The following MGA variants were observed in gnomAD, a reference collection of about 807,000 sequenced individuals.
MGA encodes MAX dimerization protein MGA.
Under a neutral mutation model 261.1 loss-of-function variants are expected in MGA, and 40 were observed. The ratio of observed to expected loss-of-function variants is 0.15; its 90% CI spans 0.12 to 0.20. The LOEUF is 0.20. Ranked by LOEUF, MGA falls within the 10% of genes least tolerant of loss-of-function variation. The pLI is 1.00. For missense variants in MGA, 3,397 were observed against 3,630.5 expected, an observed-to-expected ratio of 0.94 and a Z score of 1.65; for synonymous variants, 1,302 against 1,290.6, an observed-to-expected ratio of 1.01 and a Z score of -0.19.
chr15:41,764,329 C>G lies in MGA; in HGVS notation c.7745-557C>G, dbSNP rs866468193. ...AGTGCGGTGGCGCAATCTAGGCTCA[C>G]TGCCAGCTCCGCCTCCCAGGTTCAC... On this transcript the variant is annotated intron_variant, in intron 22 of 23. Coordinates refer to ENST00000219905, the MANE Select transcript of MGA (RefSeq NM_001164273.2). Among the ~76,000 whole-genome samples, 3 of 148,030 alleles carry G rather than the reference C, an allele frequency of 2.0e-5. No individual in the cohort carries two copies. The East Asian group carries it at 6.1e-4, about 30-fold the overall frequency.
At chr15:41,725,466 T>C (rs2151656461) in intron 9 of MGA, among the ~76,000 whole-genome samples, 1 of 152,232 alleles carries the variant, frequency 6.6e-6, no homozygotes, top group Non-Finnish European at 1.5e-5. Context: ...AAGATCACTT[T>C]AGCCAGGAGG....
chr15:41,651,345 G>A (rs1353099928), intron 1 of MGA, among the ~76,000 whole-genome samples: 1 of 152,108 alleles, frequency 6.6e-6, no homozygotes, highest in Non-Finnish European at 1.5e-5. Flanking sequence ...TTGATCTTCA[G>A]TGTTTTACTC....
chr15:41,656,344 T>TCC (rs149903830), upstream of MGA, among the ~76,000 whole-genome samples: 1 of 59,988 alleles, frequency 1.7e-5, no homozygotes, highest in Admixed American at 2.4e-4. Context: ...CTCTCCTCTC[T>TCC]TCTCTCTCTC....
intron 15 of MGA, among the ~76,000 whole-genome samples, chr15:41,744,177 T>C (rs1007609062): frequency 2.7e-5 from 4 of 149,816 alleles, no homozygotes; most frequent in Admixed American, 2.7e-4. Flanking sequence ...AAAGTGAATC[T>C]ATATATATAT....
rs1437266590 is a variant in MGA, at chr15:41,766,747, G to T, written c.8665G>T (p.Asp2889Tyr). 1 of 1,613,958 alleles carries T rather than the reference G, an allele frequency of 6.2e-7. No homozygotes were observed. Among genetic ancestry groups the T allele is most frequent in the Non-Finnish European group, 8.5e-7 (1 of 1,179,894 alleles). Residue 2889 changes from aspartate to tyrosine, a missense_variant, in exon 24 of 24, where the codon GAT becomes TAT. This residue lies in a region of MGA where 647 missense variants were observed against 642.4 expected (regional missense o/e 1.01). Coordinates refer to ENST00000219905, the MANE Select transcript of MGA (RefSeq NM_001164273.2). ...GGGAACTGGTTTGAAAGAGTTGCCT[G>T]ATGTTCAAGGGGAGAGTGACTCTAT... is the stretch of plus-strand genomic sequence containing the variant.
rs150623262 is a variant in MGA, at chr15:41,691,481, A to G, written c.1065-4594A>G. 7.3e-4 allele frequency: 210 copies of G among 287,044 alleles called. 2 individuals are homozygous for G. Among genetic ancestry groups the G allele is most frequent in the Admixed American group, 6.6e-3 (183 of 27,834 alleles). 17.8% of individuals were successfully genotyped at this position (287,044 alleles called of 1,614,324 possible). A position where few individuals can be genotyped will look rare whatever the true frequency, so the allele number is the denominator to read the frequency against. On this transcript the variant is annotated intron_variant, in intron 2 of 23. Transcript: ENST00000219905. Reference sequence around the variant, plus strand: ...TACAAGATCATTTACCTGTGAATAGAGATAGTTTTGCTTTTTCCTCTACAA... The same window carrying G: ...TACAAGATCATTTACCTGTGAATAGGGATAGTTTTGCTTTTTCCTCTACAA...
At chr15:41,623,768 T>C (rs1441569978) in intron 1 of MGA, among the ~76,000 whole-genome samples, 3 of 74,292 alleles carry the variant, frequency 4.0e-5, no homozygotes, top group East Asian at 4.1e-4. Flanking sequence ...TTTATATATA[T>C]ATATATATTT....
chr15:41,734,662 G>A, intron 12 of MGA, 68 bp downstream of exon 12: 1 of 1,190,074 alleles, frequency 8.4e-7, no homozygotes, highest in Non-Finnish European at 1.2e-6. Flanking sequence ...GTAATAATGG[G>A]AGAAAACCCA....
intron 1 of MGA, among the ~76,000 whole-genome samples, chr15:41,646,050 G>T (rs1033020316): frequency 6.6e-6 from 1 of 152,114 alleles, no homozygotes; most frequent in Non-Finnish European, 1.5e-5. Flanking sequence ...AAAAATTTCA[G>T]CTCACCCTGA....
chr15:41,656,852 C>T (rs1234806426), upstream of MGA, among the ~76,000 whole-genome samples: 1 of 152,184 alleles, frequency 6.6e-6, no homozygotes, highest in Admixed American at 6.5e-5. Flanking sequence ...TCACAGCTCA[C>T]TGTAGCCTCG....
At chr15:41,734,290 T>C (rs2061661585) in intron 11 of MGA, among the ~76,000 whole-genome samples, 1 of 152,154 alleles carries the variant, frequency 6.6e-6, no homozygotes, top group Non-Finnish European at 1.5e-5. Flanking sequence ...CAATGTGAAT[T>C]TTTTTCTTGA....
In MGA at chr15:41,742,638, C is replaced by G. The variant is rs1357800938; in HGVS notation, c.4678C>G (p.Gln1560Glu). ...GAAGATACCTGGAGTTAGCACACCCCAAACCCTGGCAGGGACACAGAAGTT... is the reference window on the plus strand; with the variant it reads ...GAAGATACCTGGAGTTAGCACACCCGAAACCCTGGCAGGGACACAGAAGTT... Residue 1560 changes from glutamine (Q) to glutamate (E), a missense_variant, in exon 15 of 24, where the codon CAA (glutamine) becomes GAA (glutamate). Gln to Glu is a conservative substitution (Grantham distance 29). Transcript: ENST00000219905. 2 of 1,613,934 alleles carry G rather than the reference C, an allele frequency of 1.2e-6. No homozygotes were observed. The highest frequency in any genetic ancestry group is 3.3e-5 in the Admixed American group (2 of 60,020).
intron 1 of MGA, among the ~76,000 whole-genome samples, chr15:41,649,265 C>G (rs956984275): frequency 5.9e-5 from 9 of 151,710 alleles, no homozygotes; most frequent in African/African-American, 2.2e-4. Flanking sequence ...ACCTGTAATC[C>G]CAGCTATTCG....
intron 1 of MGA, among the ~76,000 whole-genome samples, chr15:41,649,970 C>T (rs926256522): frequency 6.6e-6 from 1 of 152,048 alleles, no homozygotes; most frequent in Non-Finnish European, 1.5e-5. Context: ...CGTGAGCCAC[C>T]GCGCCCAGCC....
chr15:41,737,530 T>C (rs560255191), intron 13 of MGA, among the ~76,000 whole-genome samples: 12 of 152,200 alleles, frequency 7.9e-5, no homozygotes, highest in Admixed American at 2.0e-4. Context: ...TTATATTTTT[T>C]CTTTATTTGA....
intron 11 of MGA, among the ~76,000 whole-genome samples, chr15:41,730,713 C>T (rs1488285000): frequency 1.3e-5 from 2 of 152,316 alleles, no homozygotes; most frequent in Middle Eastern, 3.4e-3. Context: ...TCTTCCCATT[C>T]TAAAACACTT....
At chr15:41,635,445 C>T (rs893771764) in intron 1 of MGA, among the ~76,000 whole-genome samples, 4 of 152,248 alleles carry the variant, frequency 2.6e-5, no homozygotes, top group African/African-American at 7.2e-5. Context: ...CGCGGTGGCT[C>T]ACGCCAGTAA....
chr15:41,689,747 G>A (rs1326366395), intron 2 of MGA, among the ~76,000 whole-genome samples: 2 of 151,742 alleles, frequency 1.3e-5, no homozygotes, highest in Admixed American at 6.6e-5. Flanking sequence ...TGTATTTTTA[G>A]TAGAGACAGG....
chr15:41,673,974 C>T (rs1232124620), intron 2 of MGA, among the ~76,000 whole-genome samples: 3 of 152,144 alleles, frequency 2.0e-5, no homozygotes, highest in Non-Finnish European at 2.9e-5. Context: ...TCACGGAAAC[C>T]TCCGCCTCTT....
Sources: gnomAD v4.1 joint callset for allele counts (sites outside exome capture counted in the v4.1 genomes callset) on GRCh38, gnomAD v4.1.1 for gene constraint, gnomAD v4.1.1 regional missense constraint, MANE v1.5 for transcripts, NCBI Gene and HGNC (gene_info 2026-07-23, HGNC 2026-07-21) for gene names.